Variants in MGAT4C observed in about 807,000 individuals in gnomAD.
MGAT4C encodes the protein alpha-1,3-mannosyl-glycoprotein 4-beta-N-acetylglucosaminyltransferase C.
A neutral mutation model predicts 40.1 loss-of-function variants in MGAT4C; 19 were observed. The ratio of observed to expected loss-of-function variants is 0.47; its 90% CI spans 0.33 to 0.70. The LOEUF is 0.70. MGAT4C is among the 30% of genes least tolerant of loss of function. The pLI, the probability that MGAT4C is intolerant of heterozygous loss-of-function variation, is 0.02. For missense variants in MGAT4C, 491 were observed against 563.2 expected, an observed-to-expected ratio of 0.87 and a Z score of 1.30; for synonymous variants, 181 against 187.1, an observed-to-expected ratio of 0.97 and a Z score of 0.27.
chr12:86,267,682 A>G (rs896048931), intron 4 of MGAT4C, among the ~76,000 whole-genome samples: 9 of 152,296 alleles, frequency 5.9e-5, no homozygotes, highest in African/African-American at 2.2e-4. Flanking sequence ...TTATAAAAAT[A>G]TCTGAAGTCA....
chr12:86,377,216 C>T (rs970247165), intron 3 of MGAT4C, among the ~76,000 whole-genome samples: 4 of 151,114 alleles, frequency 2.6e-5, no homozygotes, highest in African/African-American at 7.4e-5. Context: ...TTCGCCACCA[C>T]GCCTGGCTAA....
rs376249962 is a variant in MGAT4C, at chr12:86,054,095, A to G, written c.-56-4372T>C. Among the ~76,000 whole-genome samples, 4 of 152,204 alleles carry G rather than the reference A, an allele frequency of 2.6e-5. No homozygotes were observed. The East Asian group carries it at 7.7e-4, about 29-fold the overall frequency. On this transcript the variant is annotated intron_variant, in intron 1 of 4. Transcript: ENST00000611864. ...ATCTAGCCATCCCACTACTGGTTAC[A>G]TAATCAAATGAAATGAAATCAGTAT...
Position 86,237,059 on chromosome 12 carries a change from G to A in MGAT4C, c.-57+19180C>T, listed in dbSNP as rs543183077. On this transcript the variant is annotated intron_variant, in intron 1 of 4. Coordinates refer to ENST00000611864, the MANE Select transcript of MGAT4C (RefSeq NM_001351288.2). ...TCTCTAATTACATATATTTAGTGAG[G>A]AAAGGTGGGGGAGAGAGAGAGAAGC... is the stretch of plus-strand genomic sequence containing the variant. 6.0e-5 allele frequency among the ~76,000 whole-genome samples: 9 copies of A among 150,970 alleles called. No individual in the cohort carries two copies. In the South Asian group the frequency reaches 1.7e-3, roughly 28 times the overall value.
chr12:86,476,042 C>T (rs1465434414), intron 2 of MGAT4C, among the ~76,000 whole-genome samples: 1 of 152,050 alleles, frequency 6.6e-6, no homozygotes. Context: ...AGTAATGTCT[C>T]ATTGTACATG....
intron 2 of MGAT4C, among the ~76,000 whole-genome samples, chr12:86,645,835 A>AT (rs2136528011): frequency 6.6e-6 from 1 of 151,824 alleles, no homozygotes; most frequent in Admixed American, 6.6e-5. Flanking sequence ...TCTAGTTATT[A>AT]TTTTTCTACT....
At chr12:86,204,314 T>A (rs1205781269) in intron 1 of MGAT4C, among the ~76,000 whole-genome samples, 1 of 151,964 alleles carries the variant, frequency 6.6e-6, no homozygotes, top group Non-Finnish European at 1.5e-5. Flanking sequence ...AAATAAATAT[T>A]GATGATATAA....
intron 2 of MGAT4C, among the ~76,000 whole-genome samples, chr12:86,006,754 G>T (rs1487645932): frequency 6.6e-6 from 1 of 152,010 alleles, no homozygotes; most frequent in Admixed American, 6.6e-5. Flanking sequence ...AATCTATCTT[G>T]CCTTAAGCAA....
intron 3 of MGAT4C, among the ~76,000 whole-genome samples, chr12:86,360,068 T>C (rs1239047606): frequency 3.9e-5 from 6 of 152,164 alleles, no homozygotes; most frequent in African/African-American, 1.4e-4. Flanking sequence ...CTGAAGAACA[T>C]TGATGCAAAA....
At chr12:86,802,387 T>C (rs187221583) in intron 1 of MGAT4C, among the ~76,000 whole-genome samples, 78 of 152,100 alleles carry the variant, frequency 5.1e-4, no homozygotes, top group Non-Finnish European at 3.8e-4. Flanking sequence ...GTTATGGTTT[T>C]TAAAGCTTTT....
intron 2 of MGAT4C, among the ~76,000 whole-genome samples, chr12:86,700,070 T>TA (rs1411091941): frequency 4.0e-5 from 6 of 149,926 alleles, no homozygotes; most frequent in African/African-American, 1.2e-4. Context: ...ATAGATAAGA[T>TA]AGATAGATAA....
chr12:86,828,997 A>G (rs766427552), intron 1 of MGAT4C, among the ~76,000 whole-genome samples: 2 of 151,622 alleles, frequency 1.3e-5, no homozygotes, highest in Non-Finnish European at 3.0e-5. Context: ...TGGTATATAA[A>G]TTATACCTCA....
At position 86,134,680 on chromosome 12, in the gene MGAT4C, A is replaced by G. The variant is rs151131929; in HGVS notation, c.-56-84957T>C. 2.6e-5 allele frequency among the ~76,000 whole-genome samples: 4 copies of G among 152,264 alleles called. No individual in the cohort carries two copies. The East Asian group carries it at 7.7e-4, about 29-fold the overall frequency. On this transcript the variant is annotated intron_variant, in intron 1 of 4. Coordinates refer to ENST00000611864, the MANE Select transcript of MGAT4C (RefSeq NM_001351288.2). Reference sequence around the variant, plus strand: ...GAAAATTAGAAAACTGCTGAGTGTTATAGATATTAATGGTTGTTAGAAAAG... The same window carrying G: ...GAAAATTAGAAAACTGCTGAGTGTTGTAGATATTAATGGTTGTTAGAAAAG...
At chr12:86,710,794 T>C (rs1950542684) in intron 2 of MGAT4C, among the ~76,000 whole-genome samples, 1 of 152,128 alleles carries the variant, frequency 6.6e-6, no homozygotes, top group Non-Finnish European at 1.5e-5. Flanking sequence ...TAACTGCCCA[T>C]CAACGAACGA....
chr12:86,449,470 G>A (rs1436580951), intron 2 of MGAT4C, among the ~76,000 whole-genome samples: 2 of 152,016 alleles, frequency 1.3e-5, no homozygotes, highest in Non-Finnish European at 2.9e-5. Context: ...ATAGTTTGAT[G>A]TATCTTCATG....
At chr12:86,376,776 AAGAGAGAGAGAGAC>A (rs1356611763) in intron 3 of MGAT4C, among the ~76,000 whole-genome samples, 15 of 145,374 alleles carry the variant, frequency 1.0e-4, no homozygotes, top group Admixed American at 2.8e-4. Context: ...AAGAGCAAGA[AAGAGAGAGAGAGAC>A]AGAGAGAGAG....
chr12:86,431,883 T>G (rs1957046413), intron 3 of MGAT4C, among the ~76,000 whole-genome samples: 2 of 152,136 alleles, frequency 1.3e-5, no homozygotes, highest in Non-Finnish European at 2.9e-5. Flanking sequence ...GCTATAGGGT[T>G]GTGCTGTAAG....
intron 2 of MGAT4C, among the ~76,000 whole-genome samples, chr12:86,590,976 G>T (rs1220637851): frequency 1.3e-5 from 2 of 151,928 alleles, no homozygotes; most frequent in East Asian, 3.9e-4. Flanking sequence ...GTAAAATATG[G>T]TGCATATTTT....
At chr12:86,635,657 T>C (rs1387270684) in intron 2 of MGAT4C, among the ~76,000 whole-genome samples, 1 of 147,248 alleles carries the variant, frequency 6.8e-6, no homozygotes, top group Non-Finnish European at 1.5e-5. Flanking sequence ...TCTATATACA[T>C]TGTGTGTGTG....
At chr12:86,511,534 G>C (rs983839578) in intron 2 of MGAT4C, among the ~76,000 whole-genome samples, 1 of 152,056 alleles carries the variant, frequency 6.6e-6, no homozygotes, top group Non-Finnish European at 1.5e-5. Context: ...AAACAGCATT[G>C]TACTAATATA....
Sources: gnomAD v4.1 joint callset for allele counts (sites outside exome capture counted in the v4.1 genomes callset) on GRCh38, gnomAD v4.1.1 for gene constraint, MANE v1.5 for transcripts, NCBI Gene and HGNC (gene_info 2026-07-23, HGNC 2026-07-21) for gene names.